PIWIL2: variants seen among roughly 807,000 people sequenced by gnomAD.
PIWIL2 encodes the protein piwi like RNA-mediated gene silencing 2.
A neutral mutation model predicts 116.5 loss-of-function variants in PIWIL2; 81 were observed. The observed-to-expected ratio is 0.70, with a 90% CI of 0.58 to 0.84. The LOEUF (loss-of-function observed/expected upper bound fraction) is 0.84. Among genes scored for constraint, PIWIL2 ranks in the 40% least tolerant of loss-of-function variants. The pLI is 0.00. For synonymous variants in PIWIL2, 489 were observed against 429.5 expected (o/e 1.14, Z -1.71); for missense variants, 1,272 against 1,212.3 (o/e 1.05, Z -0.73).
chr8:22,287,195 T>C (rs374652419), intron 6 of PIWIL2, among the ~76,000 whole-genome samples: 3 of 152,142 alleles, frequency 2.0e-5, no homozygotes, highest in African/African-American at 7.2e-5. Context: ...TGCAGTGAGC[T>C]GAGATGGCTT....
chr8:22,284,165 G>A lies in PIWIL2; in HGVS notation c.636G>A (p.Glu212=). 1 of 1,557,784 alleles carries A rather than the reference G, an allele frequency of 6.4e-7. No homozygotes were observed. Among genetic ancestry groups the A allele is most frequent in the Non-Finnish European group, 8.7e-7 (1 of 1,147,366 alleles). The change falls in exon 6 of 23, where the codon GAG becomes GAA. Residue 212 remains glutamate, a synonymous_variant. Transcript: ENST00000356766. The part of the protein sequence containing the change: ...LVLTVEHKEK[E]LIVKQGSKGT... ...GCTTTTTGTTTTTATTTTCTAGAGAGCTTATTGTGAAGCAAGGATCAAAAG... is the reference window on the plus strand; with the variant it reads ...GCTTTTTGTTTTTATTTTCTAGAGAACTTATTGTGAAGCAAGGATCAAAAG...
At chr8:22,333,851 G>A (rs763303830) in intron 20 of PIWIL2, among the ~76,000 whole-genome samples, 6 of 151,954 alleles carry the variant, frequency 3.9e-5, no homozygotes, top group Non-Finnish European at 5.9e-5. Flanking sequence ...CCTTAATTCG[G>A]TGAATTGTAG....
At chr8:22,328,069 A>G (rs1563407612) in intron 20 of PIWIL2, among the ~76,000 whole-genome samples, 1 of 151,756 alleles carries the variant, frequency 6.6e-6, no homozygotes, top group Admixed American at 6.6e-5. Context: ...TTTTTCTAAC[A>G]ATGTTATACT....
rs367812336 is a variant in PIWIL2 at position 22,300,966 on chromosome 8, G to A, written c.1182-3055G>A. Among the ~76,000 whole-genome samples the A allele has an allele frequency of 1.4e-4, 21 of 146,800 alleles. No homozygotes were observed. The South Asian group carries it at 4.4e-3, about 31-fold the overall frequency. ...CATATTTTCTTCCATTTTGTAGCTT[G>A]TCTTTGCATTTTTCTTAAAGGTGAC... On this transcript the variant is annotated intron_variant, in intron 10 of 22. Transcript: ENST00000356766.
chr8:22,281,362 G>T lies in PIWIL2; in HGVS notation c.287-15G>T. The T allele has an allele frequency of 1.2e-6, 2 of 1,604,988 alleles. No homozygotes were observed. The highest frequency in any genetic ancestry group is 1.1e-5 in the South Asian group (1 of 88,850). On this transcript the variant is annotated splice_polypyrimidine_tract_variant and intron_variant, in intron 3 of 22. Coordinates refer to ENST00000356766, the MANE Select transcript of PIWIL2 (RefSeq NM_018068.5). The stretch of plus-strand genomic sequence containing the variant: ...TAAGTCATAGTCATTGCTGGGGTTC[G>T]GTTCTTTCTTTCAGGTAGAGGCATT...
chr8:22,315,380 G>A (rs1311108089), intron 18 of PIWIL2, among the ~76,000 whole-genome samples: 1 of 152,120 alleles, frequency 6.6e-6, no homozygotes, highest in Non-Finnish European at 1.5e-5. Context: ...GCGATGGCAC[G>A]ATCTTGGCTC....
chr8:22,296,266 C>G (rs545526600), intron 10 of PIWIL2, among the ~76,000 whole-genome samples: 1 of 151,948 alleles, frequency 6.6e-6, no homozygotes, highest in Non-Finnish European at 1.5e-5. Context: ...AGGACGGTCT[C>G]GATCTCTTGA....
At chr8:22,282,957 G>A in intron 4 of PIWIL2, 77 bp from the exon 5 acceptor site, 1 of 1,109,142 alleles carries the variant, frequency 9.0e-7, no homozygotes, top group Non-Finnish European at 1.4e-6. Context: ...GGAAGAGATT[G>A]TGGAGTTGGG....
At position 22,304,170 on chromosome 8, in the gene PIWIL2, T is replaced by C. The variant is rs751289205; in HGVS notation, c.1331T>C (p.Met444Thr). ...AAGACTCCAAAGGATAGCTTCACGA[T>C]GTCTGATGGGAAAGAGATCACATTC... is the stretch of plus-strand genomic sequence containing the variant. Reference protein sequence around the residue: ...WNKTPKDSFTMSDGKEITFLE... With the variant: ...WNKTPKDSFTTSDGKEITFLE... The change falls in exon 11 of 23, where the codon ATG becomes ACG. Residue 444 changes from methionine to threonine, a missense_variant. Met to Thr is a moderately conservative substitution (Grantham distance 81, BLOSUM62 -1). Transcript: ENST00000356766. 5 of 1,613,790 alleles carry C rather than the reference T, an allele frequency of 3.1e-6. No homozygotes were observed. Among genetic ancestry groups the C allele is most frequent in the South Asian group, 1.1e-5 (1 of 91,016 alleles).
chr8:22,298,132 C>G (rs531358304), intron 10 of PIWIL2, among the ~76,000 whole-genome samples: 1 of 152,076 alleles, frequency 6.6e-6, no homozygotes, highest in Non-Finnish European at 1.5e-5. Flanking sequence ...CGGCACACAT[C>G]TGTTATCCCA....
intron 20 of PIWIL2, among the ~76,000 whole-genome samples, chr8:22,323,315 T>C (rs113177218): frequency 0.037 from 5,591 of 151,928 alleles, 343 homozygotes; most frequent in African/African-American, 0.13. Context: ...GCCTGGCTAA[T>C]TTTTGTATTT....
intron 10 of PIWIL2, among the ~76,000 whole-genome samples, chr8:22,295,119 T>A (rs920457284): frequency 4.6e-5 from 7 of 152,046 alleles, no homozygotes; most frequent in African/African-American, 1.7e-4. Flanking sequence ...ACAGTTATCT[T>A]GGATTTTTTT....
intron 20 of PIWIL2, among the ~76,000 whole-genome samples, chr8:22,332,322 A>G (rs1310362554): frequency 6.6e-6 from 1 of 152,118 alleles, no homozygotes; most frequent in Non-Finnish European, 1.5e-5. Flanking sequence ...AAAAACAAAA[A>G]TAAAAATAAT....
At position 22,355,677 on chromosome 8, in the gene PIWIL2, G is replaced by A; in HGVS notation, c.*172G>A. The A allele has an allele frequency of 1.6e-6, 1 of 643,524 alleles. No individual in the cohort carries two copies. Among genetic ancestry groups the A allele is most frequent in the Non-Finnish European group, 2.6e-6 (1 of 380,192 alleles). 39.9% of individuals were successfully genotyped at this position (643,524 alleles called of 1,614,324 possible). A position where few individuals can be genotyped will look rare whatever the true frequency, so the allele number is the denominator to read the frequency against. ...CTTTTAAACCTAATATCACCAAGAAGCAAGTTTCTGAGTAACAGCTGAAAA... is the reference window on the plus strand; with the variant it reads ...CTTTTAAACCTAATATCACCAAGAAACAAGTTTCTGAGTAACAGCTGAAAA... On this transcript the variant is annotated 3_prime_UTR_variant, in exon 23 of 23. Transcript: ENST00000356766.
chr8:22,281,908 A>G (rs574913055), intron 4 of PIWIL2, among the ~76,000 whole-genome samples: 1 of 148,948 alleles, frequency 6.7e-6, no homozygotes, highest in Non-Finnish European at 1.5e-5. Context: ...GGTGTCTGGG[A>G]CTACAGGCAT....
At chr8:22,317,649 T>TTTTA (rs1377695469) in intron 19 of PIWIL2, among the ~76,000 whole-genome samples, 15 of 151,638 alleles carry the variant, frequency 9.9e-5, no homozygotes, top group East Asian at 3.9e-4. Flanking sequence ...TTTTTAAATT[T>TTTTA]TTTATTTATT....
rs569084880 is a variant in PIWIL2, at chr8:22,352,070, A to T, written c.2404-889A>T. Among the ~76,000 whole-genome samples the T allele has an allele frequency of 3.3e-5, 5 of 152,222 alleles. No individual in the cohort carries two copies. The East Asian group carries it at 9.7e-4, about 30-fold the overall frequency. On this transcript the variant is annotated intron_variant, in intron 20 of 22. Coordinates refer to ENST00000356766, the MANE Select transcript of PIWIL2 (RefSeq NM_018068.5). ...AGTGATTTTCCTGCCTCAGCCTCCC[A>T]GGTAGCTGGGATTAGAGGCATGTGC...
chr8:22,283,087 CA>C lies in PIWIL2; in HGVS notation c.480del (p.Gly161ValfsTer44). The C allele has an allele frequency of 6.2e-7, 1 of 1,614,126 alleles. No homozygotes were observed. The highest frequency in any genetic ancestry group is 1.1e-5 in the South Asian group (1 of 91,080). On this transcript the variant is annotated frameshift_variant, in exon 5 of 23. Coordinates refer to ENST00000356766, the MANE Select transcript of PIWIL2 (RefSeq NM_018068.5). LOFTEE classifies it high-confidence loss of function. The part of the protein sequence containing the change: ...DASLLPLGRA[A>X]GGISREVDKP... ...TCTTTATTACCACTGGGAAGAGCAG[CA>C]GGTGGTATCAGCAGAGAAGTGGACA...
chr8:22,298,734 A>G (rs1830972994), intron 10 of PIWIL2, among the ~76,000 whole-genome samples: 2 of 152,342 alleles, frequency 1.3e-5, no homozygotes, highest in African/African-American at 4.8e-5. Context: ...CTGCAGTTAG[A>G]GACTATTGGT....
Sources: allele counts gnomAD v4.1 joint callset (sites outside exome capture counted in the v4.1 genomes callset), GRCh38; gene constraint gnomAD v4.1.1; transcripts MANE v1.5; gene names NCBI Gene and HGNC (gene_info 2026-07-23, HGNC 2026-07-21).